Variants in AIFM2 observed in about 807,000 individuals in gnomAD.
AIFM2 encodes the protein ferroptosis suppressor protein 1.
In AIFM2, 38 loss-of-function variants were observed where a neutral mutation model predicts 35.7. The observed-to-expected ratio is 1.06, with a 90% CI of 0.82 to 1.39. The LOEUF is 1.39. AIFM2 is among the 40% of genes most tolerant of loss of function. AIFM2 has a pLI of 0.00. For missense variants in AIFM2, 476 were observed against 491.2 expected, an observed-to-expected ratio of 0.97 and a Z score of 0.29; for synonymous variants, 185 against 203.5, an observed-to-expected ratio of 0.91 and a Z score of 0.77.
chr10:70,115,641 C>A (rs2072427877), intron 7 of AIFM2, among the ~76,000 whole-genome samples: 1 of 152,158 alleles, frequency 6.6e-6, no homozygotes, highest in Admixed American at 6.5e-5. Context: ...TGGCATACAG[C>A]CGTAATCCCA....
Position 70,123,521 on chromosome 10 carries a change from C to G in AIFM2, c.179-1G>C, listed in dbSNP as rs574411666. 1.6e-5 allele frequency: 26 copies of G among 1,613,590 alleles called. No individual in the cohort carries two copies. The highest frequency in any genetic ancestry group is 2.0e-5 in the Non-Finnish European group (24 of 1,179,682). On this transcript the variant is annotated splice_acceptor_variant, in intron 2 of 8. Coordinates refer to ENST00000307864, the MANE Select transcript of AIFM2 (RefSeq NM_032797.6). LOFTEE classifies it high-confidence loss of function. The stretch of plus-strand genomic sequence containing the variant: ...GAAATGAATGTCTTTTTGGCGAACC[C>G]TGGGGAAGGGACACAGAAGAGGTCA...
chr10:70,123,572 G>A lies in AIFM2; in HGVS notation c.179-52C>T, dbSNP rs766723108. The A allele has an allele frequency of 3.9e-6, 6 of 1,519,376 alleles. No individual in the cohort carries two copies. In the African/African-American group the frequency reaches 6.9e-5, roughly 17 times the overall value. 94.1% of individuals were successfully genotyped at this position (1,519,376 alleles called of 1,614,324 possible). ...TAGGGCAGAGCCAGGCTGCCCACGG[G>A]AAGCCAGAGTGACTCAGAACCTTTC... On this transcript the variant is annotated intron_variant, in intron 2 of 8. Transcript: ENST00000307864.
intron 1 of AIFM2, among the ~76,000 whole-genome samples, chr10:70,126,931 C>T (rs540178535): frequency 1.3e-5 from 2 of 152,280 alleles, no homozygotes; most frequent in Non-Finnish European, 2.9e-5. Flanking sequence ...AACCCCCCGG[C>T]AGGCAGGGCC....
chr10:70,114,111 C>A lies in AIFM2; in HGVS notation c.*67G>T. On this transcript the variant is annotated 3_prime_UTR_variant, in exon 9 of 9. Transcript: ENST00000307864. ...AGCATTAGTTCTAGCACTTGCCAGGCGGGTGCCATGCGCCAAGCAGTCCGT... is the reference window on the plus strand; with the variant it reads ...AGCATTAGTTCTAGCACTTGCCAGGAGGGTGCCATGCGCCAAGCAGTCCGT... The A allele has an allele frequency of 1.3e-6, 2 of 1,534,684 alleles. No individual in the cohort carries two copies. Among genetic ancestry groups the A allele is most frequent in the East Asian group, 2.3e-5 (1 of 43,984 alleles).
chr10:70,115,342 A>G (rs2072424464), intron 7 of AIFM2, among the ~76,000 whole-genome samples: 1 of 152,244 alleles, frequency 6.6e-6, no homozygotes, highest in Admixed American at 6.5e-5. Context: ...TGCAGAGGCA[A>G]GGTTGCTGAT....
intron 6 of AIFM2, 70 bp from the exon 7 acceptor site, chr10:70,116,844 G>A: frequency 6.3e-7 from 1 of 1,587,210 alleles, no homozygotes; most frequent in Non-Finnish European, 8.6e-7. Flanking sequence ...CCCAGGCCAA[G>A]GCTAACCCTG....
At chr10:70,118,135 A>T (rs2072459146) in intron 5 of AIFM2, 2 of 496,956 alleles carry the variant, frequency 4.0e-6, no homozygotes, top group African/African-American at 2.0e-5. Flanking sequence ...CCCTCCTGCC[A>T]CACCCAGGCC....
At position 70,121,104 on chromosome 10, in the gene AIFM2, G is replaced by A. The variant is rs1404461677; in HGVS notation, c.402C>T (p.Asp134=). The A allele has an allele frequency of 6.2e-7, 1 of 1,612,794 alleles. No homozygotes were observed. The highest frequency in any genetic ancestry group is 1.7e-5 in the Admixed American group (1 of 59,912). ...GTGCACAGCTCACCTGCCTCACCAT[G>A]TCCTCATAGGCCTGGATAGCGGCCT... is the stretch of plus-strand genomic sequence containing the variant. ...SQQAAIQAYE[D]MVRQVQRSRF... is the part of the protein sequence containing the mutation. Residue 134 remains aspartate (D), a synonymous_variant, in exon 4 of 9, where the codon GAC becomes GAT. Coordinates refer to ENST00000307864, the MANE Select transcript of AIFM2 (RefSeq NM_032797.6).
rs965889811 is a variant in AIFM2 at position 70,117,002 on chromosome 10, C to T, written c.617-228G>A. 6.6e-6 allele frequency among the ~76,000 whole-genome samples: 1 copy of T among 152,230 alleles called. No individual in the cohort carries two copies. Among genetic ancestry groups the T allele is most frequent in the Non-Finnish European group, 1.5e-5 (1 of 68,046 alleles). ...CCCTCTGGAGAAAAGTTCCAAGAAG[C>T]CCCTGGAGGGAAGCGAGGCTGTTTC... is the stretch of plus-strand genomic sequence containing the variant. On this transcript the variant is annotated intron_variant, in intron 6 of 8. Transcript: ENST00000307864. This position sits in a 1 kb window ranked among gnomAD's most constrained non-coding sequence, Gnocchi z 4.7.
rs1347565157 is a variant in AIFM2, at chr10:70,112,354, G to C, written c.*1824C>G. ...CACACGTAGGTCCTTCTAGAATATT[G>C]TAAGTCAATAGAAGAAGGCCTGTCG... On this transcript the variant is annotated 3_prime_UTR_variant, in exon 9 of 9. Transcript: ENST00000307864. 6.6e-6 allele frequency: 1 copy of C among 152,172 alleles called. No homozygotes were observed. The highest frequency in any genetic ancestry group is 1.5e-5 in the Non-Finnish European group (1 of 68,044). 9.4% of individuals were successfully genotyped at this position (152,172 alleles called of 1,614,324 possible).
rs1199193841 is a variant in AIFM2 at position 70,128,953 on chromosome 10, A to G, written c.-14+3781T>C. ...CCACTGCACTTCGGCCTGGGCAACA[A>G]TGTGAGACCCTGTCTCAAAAGTAAA... On this transcript the variant is annotated intron_variant, in intron 1 of 8. Transcript: ENST00000307864. Among the ~76,000 whole-genome samples, 4 of 152,180 alleles carry G rather than the reference A, an allele frequency of 2.6e-5. No homozygotes were observed. The East Asian group carries it at 5.8e-4, about 22-fold the overall frequency.
At chr10:70,114,393 A>T in intron 8 of AIFM2, 64 bp from the exon 9 acceptor site, 1 of 1,599,454 alleles carries the variant, frequency 6.3e-7, no homozygotes. Context: ...CACCTCCCAG[A>T]GTGCCGATCC....
intron 4 of AIFM2, 95 bp from the exon 5 acceptor site, chr10:70,120,694 CA>C: frequency 7.4e-7 from 1 of 1,355,670 alleles, no homozygotes; most frequent in Non-Finnish European, 1.0e-6. Flanking sequence ...CTCCCTGGGC[CA>C]AAGGAGGGCA....
chr10:70,116,011 G>C (rs2072431659), intron 7 of AIFM2, among the ~76,000 whole-genome samples: 2 of 152,098 alleles, frequency 1.3e-5, no homozygotes, highest in African/African-American at 4.8e-5. Context: ...CACAAGGCAG[G>C]AGCTCCTTGT....
chr10:70,113,151 G>T lies in AIFM2; in HGVS notation c.*1027C>A, dbSNP rs1456798946. ...TGCTAGCCGTGTAAAAATGCACTCT[G>T]TCAGGGTGGGGTAACCAGAAGAGCA... On this transcript the variant is annotated 3_prime_UTR_variant, in exon 9 of 9. Transcript: ENST00000307864. 6.6e-6 allele frequency: 1 copy of T among 152,248 alleles called. No homozygotes were observed. The highest frequency in any genetic ancestry group is 1.5e-5 in the Non-Finnish European group (1 of 68,048). The allele number at this position is 152,248 out of a possible 1,614,324, so 9.4% of individuals were successfully genotyped here. A position where few individuals can be genotyped will look rare whatever the true frequency, so the allele number is the denominator to read the frequency against.
In AIFM2 at chr10:70,123,449, C is replaced by T; in HGVS notation, c.250G>A (p.Gly84Arg). ...KDNFRQGLVV[G>R]IDLKNQMVLL... Reference sequence around the variant, plus strand: ...ACCATCTGGTTCTTCAGGTCTATCCCCACTACTAGCCCCTGCCGGAAGTTG... The same window carrying T: ...ACCATCTGGTTCTTCAGGTCTATCCTCACTACTAGCCCCTGCCGGAAGTTG... Residue 84 changes from glycine (G) to arginine (R), a missense_variant, in exon 3 of 9, where the codon GGG becomes AGG. By Grantham distance (125) the Gly-to-Arg change is moderately radical. Coordinates refer to ENST00000307864, the MANE Select transcript of AIFM2 (RefSeq NM_032797.6). 3 of 1,614,192 alleles carry T rather than the reference C, an allele frequency of 1.9e-6. No homozygotes were observed. Among genetic ancestry groups the T allele is most frequent in the Non-Finnish European group, 2.5e-6 (3 of 1,180,018 alleles).
chr10:70,127,509 G>A (rs1345747713), intron 1 of AIFM2, among the ~76,000 whole-genome samples: 1 of 152,206 alleles, frequency 6.6e-6, no homozygotes, highest in African/African-American at 2.4e-5. Context: ...GAGAGGCTTA[G>A]AGGACAGGTG....
intron 8 of AIFM2, among the ~76,000 whole-genome samples, chr10:70,114,599 C>T (rs949144518): frequency 2.0e-5 from 3 of 152,046 alleles, no homozygotes; most frequent in Non-Finnish European, 4.4e-5. Flanking sequence ...CTCAACCTCC[C>T]GAGTAGCTGG....
rs140915557 is a variant in AIFM2 at position 70,114,164 on chromosome 10, G to A, written c.*14C>T. ...GCCCACCTGCTGCGGTAGTTCTCCCGCCTGGCCTCTCCATCAAGGTGGAGA... is the reference window on the plus strand; with the variant it reads ...GCCCACCTGCTGCGGTAGTTCTCCCACCTGGCCTCTCCATCAAGGTGGAGA... On this transcript the variant is annotated 3_prime_UTR_variant, in exon 9 of 9. Coordinates refer to ENST00000307864, the MANE Select transcript of AIFM2 (RefSeq NM_032797.6). The A allele has an allele frequency of 1.2e-3, 1,921 of 1,608,462 alleles. 23 individuals carry two copies. In the African/African-American group the frequency reaches 0.023, roughly 19 times the overall value.
Sources: gnomAD v4.1 joint callset for allele counts (sites outside exome capture counted in the v4.1 genomes callset) on GRCh38, gnomAD v4.1.1 for gene constraint, Gnocchi (gnomAD v3.1) non-coding constraint, MANE v1.5 for transcripts, NCBI Gene and HGNC (gene_info 2026-07-23, HGNC 2026-07-21) for gene names.